ANO2: variants seen among roughly 807,000 people sequenced by gnomAD.
ANO2 encodes anoctamin-2.
Under a neutral mutation model 124.2 loss-of-function variants are expected in ANO2, and 101 were observed. That is an observed-to-expected ratio of 0.81 (90% CI 0.69 to 0.96). ANO2 has a LOEUF of 0.96. Among genes scored for constraint, ANO2 ranks in the 40% least tolerant of loss-of-function variants. The pLI is 0.00. For synonymous variants in ANO2, 486 were observed against 482.5 expected (o/e 1.01, Z -0.09); for missense variants, 1,293 against 1,274.5 (o/e 1.01, Z -0.22).
chr12:5,613,073 A>G, intron 17 of ANO2, 115 bp from the exon 18 acceptor site: 1 of 1,007,960 alleles, frequency 9.9e-7, no homozygotes, highest in Non-Finnish European at 1.6e-6. Flanking sequence ...AGCACTGGTC[A>G]GGGCGAGTGC....
chr12:5,933,132 A>T (rs1332525320), intron 1 of ANO2, among the ~76,000 whole-genome samples: 1 of 152,160 alleles, frequency 6.6e-6, no homozygotes, highest in Non-Finnish European at 1.5e-5. Flanking sequence ...TATCTGGTGT[A>T]TAGTGCACAC....
chr12:5,908,266 G>A lies in ANO2; in HGVS notation c.534+12774C>T, dbSNP rs767101595. Among the ~76,000 whole-genome samples the A allele has an allele frequency of 6.6e-6, 1 of 152,210 alleles. No homozygotes were observed. The highest frequency in any genetic ancestry group is 1.9e-4 in the East Asian group (1 of 5,184). ...GCCTGAGAAGCCTTCACCCTCCAAC[G>A]GCCTGTGGATGAGCTAAGTGTAAGT... is the stretch of plus-strand genomic sequence containing the variant. On this transcript the variant is annotated intron_variant, in intron 3 of 24. Transcript: ENST00000682330. The surrounding 1 kb of genome is among the most constrained non-coding windows in gnomAD (Gnocchi z 4.7).
chr12:5,684,062 T>A (rs1948607738), intron 14 of ANO2, among the ~76,000 whole-genome samples: 1 of 152,168 alleles, frequency 6.6e-6, no homozygotes, highest in African/African-American at 2.4e-5. Context: ...CTTCCCTCCC[T>A]ACCACCACTG....
chr12:5,590,180 A>G (rs1301804628), intron 20 of ANO2, among the ~76,000 whole-genome samples: 1 of 152,216 alleles, frequency 6.6e-6, no homozygotes, highest in East Asian at 1.9e-4. Context: ...GTGGCTCAAC[A>G]CAAATTCGTA....
chr12:5,795,561 C>A (rs534634988), intron 10 of ANO2, among the ~76,000 whole-genome samples: 1 of 152,330 alleles, frequency 6.6e-6, no homozygotes, highest in East Asian at 1.9e-4. Flanking sequence ...GTTCTAGAAC[C>A]CTCTCTTTCC....
intron 23 of ANO2, among the ~76,000 whole-genome samples, chr12:5,569,357 G>A (rs1296235416): frequency 1.4e-4 from 2 of 14,088 alleles, no homozygotes; most frequent in Admixed American, 1.2e-3. Context: ...GCTGCCAGCC[G>A]TGCCCCCAAA....
chr12:5,626,017 C>T (rs564776803), intron 16 of ANO2, among the ~76,000 whole-genome samples: 76 of 152,258 alleles, frequency 5.0e-4, no homozygotes, highest in African/African-American at 1.8e-3. Context: ...ATTTTGATGG[C>T]ACAGCAAGGC....
chr12:5,797,702 G>A (rs149125452), intron 10 of ANO2, among the ~76,000 whole-genome samples: 2 of 152,070 alleles, frequency 1.3e-5, no homozygotes, highest in African/African-American at 2.4e-5. Context: ...GCTGCCCAGC[G>A]TCCCATTCTC....
chr12:5,739,469 A>G (rs1383528063), intron 12 of ANO2, 70 bp from the exon 13 acceptor site: 34 of 1,317,164 alleles, frequency 2.6e-5, no homozygotes, highest in Non-Finnish European at 3.5e-5. Flanking sequence ...CTTTGGGCTC[A>G]CCAGTGGAGG....
At chr12:5,799,456 T>G in intron 10 of ANO2, 51 bp downstream of exon 10, 2 of 1,487,962 alleles carry the variant, frequency 1.3e-6, no homozygotes, top group Middle Eastern at 1.7e-4. Flanking sequence ...GATACATCTT[T>G]CAGGACTTGC....
chr12:5,565,695 G>A, intron 23 of ANO2, 32 bp from the exon 24 acceptor site: 1 of 1,517,916 alleles, frequency 6.6e-7, no homozygotes, highest in Non-Finnish European at 8.9e-7. Flanking sequence ...GTTAAGATCA[G>A]GAGCGCATGG....
At chr12:5,724,493 G>A (rs985672587) in intron 14 of ANO2, among the ~76,000 whole-genome samples, 7 of 152,148 alleles carry the variant, frequency 4.6e-5, no homozygotes, top group Admixed American at 1.3e-4. Context: ...CTCCACCCAC[G>A]CGCATGCTCC....
At position 5,732,935 on chromosome 12, in the gene ANO2, C is replaced by T. The variant is rs546534181; in HGVS notation, c.1435-305G>A. On this transcript the variant is annotated intron_variant, in intron 13 of 24. Coordinates refer to ENST00000682330, the MANE Select transcript of ANO2 (RefSeq NM_001364791.2). ...GGAAATGTTAACTGGATGGCTGATA[C>T]GAAGAGGGGCCCAGTGCTTTGCAGA... 345 of 1,601,292 alleles carry T rather than the reference C, an allele frequency of 2.2e-4. 2 individuals are homozygous for T. The East Asian group carries it at 7.2e-3, about 33-fold the overall frequency.
chr12:5,602,749 G>C (rs1944004617), intron 19 of ANO2, among the ~76,000 whole-genome samples: 1 of 151,160 alleles, frequency 6.6e-6, no homozygotes, highest in African/African-American at 2.4e-5. Flanking sequence ...AGGAATAATG[G>C]AAAGGATTCT....
At chr12:5,771,345 C>T (rs1180815141) in intron 10 of ANO2, among the ~76,000 whole-genome samples, 1 of 152,198 alleles carries the variant, frequency 6.6e-6, no homozygotes, top group East Asian at 1.9e-4. Context: ...TACCTAATTT[C>T]AACCTATGCT....
At position 5,923,267 on chromosome 12, in the gene ANO2, C is replaced by CATACACACACGCATACACACACAT; in HGVS notation, c.23-464_23-463insATGTGTGTGTATGCGTGTGTGTAT. Among the ~76,000 whole-genome samples the CATACACACACGCATACACACACAT allele has an allele frequency of 1.8e-5, 2 of 113,172 alleles. 1 individual carries two copies. The highest frequency in any genetic ancestry group is 1.6e-4 in the African/African-American group (2 of 12,202). The allele number at this position is 113,172 out of a possible 152,430, so 74.2% of individuals were successfully genotyped here. A position where few individuals can be genotyped will look rare whatever the true frequency, so the allele number is the denominator to read the frequency against. On this transcript the variant is annotated intron_variant, in intron 1 of 24. Coordinates refer to ENST00000682330, the MANE Select transcript of ANO2 (RefSeq NM_001364791.2). The stretch of plus-strand genomic sequence containing the variant: ...ACGCATACACACACATACACACACA[C>CATACACACACGCATACACACACAT]ACACACACACACGCACACACACAGC...
At position 5,921,329 on chromosome 12, in the gene ANO2, G is replaced by C. The variant is rs774248276; in HGVS notation, c.245C>G (p.Ser82Cys). The C allele has an allele frequency of 3.1e-6, 5 of 1,613,962 alleles. No individual in the cohort carries two copies. The highest frequency in any genetic ancestry group is 8.5e-7 in the Non-Finnish European group (1 of 1,179,882). Reference protein sequence around the residue: ...NNYLDANEPVSLEARLSRMHF... With the variant: ...NNYLDANEPVCLEARLSRMHF... ...CATGCGGCTAAGACGGGCCTCCAAG[G>C]ACACAGGCTCATTGGCATCCAGATA... The change falls in exon 3 of 25, where the codon TCC becomes TGC. Residue 82 changes from serine (S) to cysteine (C), a missense_variant. By Grantham distance (112) the Ser-to-Cys change is moderately radical. Coordinates refer to ENST00000682330, the MANE Select transcript of ANO2 (RefSeq NM_001364791.2).
At chr12:5,847,435 C>G (rs1485785623) in intron 4 of ANO2, among the ~76,000 whole-genome samples, 1 of 125,634 alleles carries the variant, frequency 8.0e-6, no homozygotes, top group Non-Finnish European at 1.7e-5. Flanking sequence ...ATCAATTCCT[C>G]ATAACACCTC....
rs1410300081 is a variant in ANO2, at chr12:5,647,724, T to A, written c.1620+3A>T. 1 of 1,608,014 alleles carries A rather than the reference T, an allele frequency of 6.2e-7. No individual in the cohort carries two copies. The highest frequency in any genetic ancestry group is 2.2e-5 in the East Asian group (1 of 44,738). On this transcript the variant is annotated splice_donor_region_variant and intron_variant, in intron 15 of 24. Transcript: ENST00000682330. ...CAGGCAAGTGGTCCCTCAAGGAAAT[T>A]ACCATGAATAAGATGGAGGCAAAGT...
Sources: allele counts gnomAD v4.1 joint callset (sites outside exome capture counted in the v4.1 genomes callset), GRCh38; gene constraint gnomAD v4.1.1; non-coding constraint Gnocchi (gnomAD v3.1); transcripts MANE v1.5; gene names NCBI Gene and HGNC (gene_info 2026-07-23, HGNC 2026-07-21).